ZNF556: variants seen among roughly 807,000 people sequenced by gnomAD.
ZNF556 encodes the protein zinc finger protein 556.
Under a neutral mutation model 13.6 loss-of-function variants are expected in ZNF556, and 11 were observed. The observed-to-expected ratio is 0.81, with a 90% CI of 0.51 to 1.33. The LOEUF (loss-of-function observed/expected upper bound fraction) is 1.33. ZNF556 is among the 40% of genes most tolerant of loss of function. The pLI is 0.00. For synonymous variants in ZNF556, 229 were observed against 207.8 expected, an observed-to-expected ratio of 1.10 and a Z score of -0.88; for missense variants, 633 against 566.2, an observed-to-expected ratio of 1.12 and a Z score of -1.20.
rs746996670 is a variant in ZNF556, at chr19:2,877,704, A to G, written c.746A>G (p.His249Arg). ...AGTTGTCCCAAATCCTTTCGCGCAC[A>G]TGTGATGATGCACGCCGGAGGGAGA... is the stretch of plus-strand genomic sequence containing the variant. Reference protein sequence around the residue: ...GFSCPKSFRAHVMMHAGGRPY... With the variant: ...GFSCPKSFRARVMMHAGGRPY... Residue 249 changes from histidine to arginine, a missense_variant, in exon 4 of 4, where the codon CAT (histidine) becomes CGT (arginine). Transcript: ENST00000307635. 6.2e-7 allele frequency: 1 copy of G among 1,614,152 alleles called. No homozygotes were observed. Among genetic ancestry groups the G allele is most frequent in the Non-Finnish European group, 8.5e-7 (1 of 1,180,010 alleles).
chr19:2,873,683 G>A, intron 2 of ZNF556, 61 bp downstream of exon 2: 5 of 1,572,560 alleles, frequency 3.2e-6, no homozygotes, highest in Non-Finnish European at 4.3e-6. Flanking sequence ...TCTGGTTGCA[G>A]TGGTTCATGC....
chr19:2,877,291 G>A lies in ZNF556; in HGVS notation c.333G>A (p.Glu111=). Residue 111 remains glutamate (E), a synonymous_variant, in exon 4 of 4, where the codon GAG becomes GAA. Transcript: ENST00000307635. ...ERHLSRNPRV[E]RPCKSSKGNK... is the part of the protein sequence containing the mutation. ...TTTTTAGCAGAAATCCAAGGGTGGAGAGACCATGTAAAAGCAGTAAAGGTA... is the reference window on the plus strand; with the variant it reads ...TTTTTAGCAGAAATCCAAGGGTGGAAAGACCATGTAAAAGCAGTAAAGGTA... 6.2e-7 allele frequency: 1 copy of A among 1,611,328 alleles called. No individual in the cohort carries two copies.
chr19:2,870,517 CA>C (rs1455139803), intron 1 of ZNF556, among the ~76,000 whole-genome samples: 2 of 151,892 alleles, frequency 1.3e-5, no homozygotes, highest in Non-Finnish European at 2.9e-5. Flanking sequence ...GAGGCCGAGG[CA>C]GGCAGATCAC....
At chr19:2,876,908 A>G (rs2087856977) in intron 3 of ZNF556, among the ~76,000 whole-genome samples, 1 of 152,038 alleles carries the variant, frequency 6.6e-6, no homozygotes, top group South Asian at 2.1e-4. Flanking sequence ...CCTAATATTC[A>G]TTAATATATA....
At chr19:2,876,476 T>G (rs773609435) in intron 3 of ZNF556, among the ~76,000 whole-genome samples, 200 bp downstream of exon 3, 1 of 152,104 alleles carries the variant, frequency 6.6e-6, no homozygotes, top group Non-Finnish European at 1.5e-5. Context: ...TCCCAGCACT[T>G]TGGGAGGCCG....
rs765675413 is a variant in ZNF556 at position 2,878,215 on chromosome 19, G to A, written c.1257G>A (p.Gln419=). ...GCTCTTCCAAAAATGTAAGAACGCAGATTGGACAGAAGCCCAGTAAATGCG... is the reference window on the plus strand; with the variant it reads ...GCTCTTCCAAAAATGTAAGAACGCAAATTGGACAGAAGCCCAGTAAATGCG... ...GLCSSKNVRT[Q]IGQKPSKCEK... is the part of the protein sequence containing the mutation. Residue 419 remains glutamine (Q), a synonymous_variant, in exon 4 of 4, where the codon CAG becomes CAA. Transcript: ENST00000307635. 8 of 1,614,196 alleles carry A rather than the reference G, an allele frequency of 5.0e-6. No homozygotes were observed. The highest frequency in any genetic ancestry group is 5.1e-6 in the Non-Finnish European group (6 of 1,180,030).
rs2087907710 is a variant in ZNF556 at position 2,881,991 on chromosome 19, G to GAGCC, written c.*3666_*3669dup. The stretch of plus-strand genomic sequence containing the variant: ...CTAGGCATGGTGATGTGCACTTGTA[G>GAGCC]AGCCAGCTACTCAGGAGGCTGAGGG... On this transcript the variant is annotated 3_prime_UTR_variant, in exon 4 of 4. Transcript: ENST00000307635. 6.6e-6 allele frequency: 1 copy of GAGCC among 152,096 alleles called. No homozygotes were observed. The highest frequency in any genetic ancestry group is 1.5e-5 in the Non-Finnish European group (1 of 68,022). The allele number at this position is 152,096 out of a possible 1,614,324, so 9.4% of individuals were successfully genotyped here. A position where few individuals can be genotyped will look rare whatever the true frequency, so the allele number is the denominator to read the frequency against.
rs768857066 is a variant in ZNF556 at position 2,878,372 on chromosome 19, A to C, written c.*43A>C. The C allele has an allele frequency of 2.5e-6, 4 of 1,586,234 alleles. No individual in the cohort carries two copies. Among genetic ancestry groups the C allele is most frequent in the Non-Finnish European group, 3.4e-6 (4 of 1,165,778 alleles). ...AAATTAATTCACATACATGGTTCAG[A>C]AAATTCACAGCAGGAGGGCCGGGCG... On this transcript the variant is annotated 3_prime_UTR_variant, in exon 4 of 4. Coordinates refer to ENST00000307635, the MANE Select transcript of ZNF556 (RefSeq NM_024967.3).
intron 2 of ZNF556, among the ~76,000 whole-genome samples, chr19:2,874,194 T>C (rs1005686092): frequency 5.9e-5 from 9 of 151,574 alleles, no homozygotes; most frequent in Non-Finnish European, 1.3e-4. Flanking sequence ...GAGGCAGAGG[T>C]TGCAGTGAGC....
intron 1 of ZNF556, among the ~76,000 whole-genome samples, chr19:2,869,928 C>T (rs1599576818): frequency 6.6e-6 from 1 of 152,158 alleles, no homozygotes; most frequent in East Asian, 1.9e-4. Flanking sequence ...CTCGACCCCC[C>T]TTGGCTGTCA....
rs187286347 is a variant in ZNF556, at chr19:2,882,397, C to T, written c.*4068C>T. ...GAGCAGAGATCGAACCACTACACTCCAGCCTGGGCGACTGAGTGGGACTCT... is the reference window on the plus strand; with the variant it reads ...GAGCAGAGATCGAACCACTACACTCTAGCCTGGGCGACTGAGTGGGACTCT... On this transcript the variant is annotated 3_prime_UTR_variant, in exon 4 of 4. Coordinates refer to ENST00000307635, the MANE Select transcript of ZNF556 (RefSeq NM_024967.3). 1 of 151,352 alleles carries T rather than the reference C, an allele frequency of 6.6e-6. No individual in the cohort carries two copies. The highest frequency in any genetic ancestry group is 6.6e-5 in the Admixed American group (1 of 15,144). The allele number at this position is 151,352 out of a possible 1,614,324, so 9.4% of individuals were successfully genotyped here. A position where few individuals can be genotyped will look rare whatever the true frequency, so the allele number is the denominator to read the frequency against.
intron 1 of ZNF556, among the ~76,000 whole-genome samples, chr19:2,871,975 G>A (rs1452257515): frequency 6.6e-6 from 1 of 152,206 alleles, no homozygotes; most frequent in Non-Finnish European, 1.5e-5. Context: ...CAGAGAGAGA[G>A]AGGAGACAGA....
rs1157814146 is a variant in ZNF556 at position 2,877,558 on chromosome 19, G to A, written c.600G>A (p.Glu200=). ...CGCATGAGAAAACTCACAGTGGAGAGAAACCCTATGCCTGTCAATCTTGCG... is the reference window on the plus strand; with the variant it reads ...CGCATGAGAAAACTCACAGTGGAGAAAAACCCTATGCCTGTCAATCTTGCG... ...LQTHEKTHSG[E]KPYACQSCGK... is the part of the protein sequence containing the mutation. The change falls in exon 4 of 4, where the codon GAG becomes GAA. Residue 200 remains glutamate, a synonymous_variant. Coordinates refer to ENST00000307635, the MANE Select transcript of ZNF556 (RefSeq NM_024967.3). The A allele has an allele frequency of 1.2e-6, 2 of 1,614,184 alleles. No individual in the cohort carries two copies.
chr19:2,867,831 G>A (rs1023129778), intron 1 of ZNF556, among the ~76,000 whole-genome samples: 1 of 152,128 alleles, frequency 6.6e-6, no homozygotes, highest in African/African-American at 2.4e-5. Flanking sequence ...GGAGGGGCGA[G>A]GGGTGGACAG....
At chr19:2,873,725 A>ACT in intron 2 of ZNF556, 103 bp downstream of exon 2, 3 of 1,385,698 alleles carry the variant, frequency 2.2e-6, no homozygotes, top group Non-Finnish European at 2.9e-6. Context: ...AGGCTAAGGC[A>ACT]GGAGGATCAC....
At position 2,878,022 on chromosome 19, in the gene ZNF556, C is replaced by A. The variant is rs757661105; in HGVS notation, c.1064C>A (p.Pro355His). 1 of 1,614,062 alleles carries A rather than the reference C, an allele frequency of 6.2e-7. No homozygotes were observed. Among genetic ancestry groups the A allele is most frequent in the East Asian group, 2.2e-5 (1 of 44,884 alleles). ...AGCGTGGGAAAGTCTTCCGCGAGGC[C>A]TCGCCCCTCCACAGATGTCAAATCA... The part of the protein sequence containing the change: ...GGSVGKSSAR[P>H]RPSTDVKSQT... Residue 355 changes from proline (P) to histidine (H), a missense_variant, in exon 4 of 4, where the codon CCT (proline) becomes CAT (histidine). Transcript: ENST00000307635.
At position 2,882,562 on chromosome 19, in the gene ZNF556, G is replaced by GTA. The variant is rs2087913214; in HGVS notation, c.*4234_*4235insAT. ...TGTGTGTGTGTGTGTGTGTGTGTGT[G>GTA]TGTGAATGTGTGTGACGGAGTTTTG... On this transcript the variant is annotated 3_prime_UTR_variant, in exon 4 of 4. Coordinates refer to ENST00000307635, the MANE Select transcript of ZNF556 (RefSeq NM_024967.3). 1 of 151,872 alleles carries GTA rather than the reference G, an allele frequency of 6.6e-6. No homozygotes were observed. The highest frequency in any genetic ancestry group is 2.4e-5 in the African/African-American group (1 of 40,980). 9.4% of individuals were successfully genotyped at this position (151,872 alleles called of 1,614,324 possible).
At chr19:2,875,537 TG>T in intron 2 of ZNF556, 1 of 168,192 alleles carries the variant, frequency 5.9e-6, no homozygotes, top group Non-Finnish European at 1.3e-5. Flanking sequence ...CCTTTGGTTC[TG>T]GAGACCCTGC....
chr19:2,868,095 C>T (rs1212782161), intron 1 of ZNF556, among the ~76,000 whole-genome samples: 1 of 151,972 alleles, frequency 6.6e-6, no homozygotes, highest in East Asian at 1.9e-4. Flanking sequence ...AAAATTCTAG[C>T]GTGCCTTTTT....
Sources: gnomAD v4.1 joint callset for allele counts (sites outside exome capture counted in the v4.1 genomes callset) on GRCh38, gnomAD v4.1.1 for gene constraint, MANE v1.5 for transcripts, NCBI Gene and HGNC (gene_info 2026-07-23, HGNC 2026-07-21) for gene names.